TPST1: variants seen among roughly 807,000 people sequenced by gnomAD.
TPST1 encodes the protein tyrosylprotein sulfotransferase 1.
In TPST1, 20 loss-of-function variants were observed where a neutral mutation model predicts 34.8. That is an observed-to-expected ratio of 0.57 (90% confidence interval 0.40 to 0.84). The LOEUF (loss-of-function observed/expected upper bound fraction) is 0.84, where lower values mean the gene tolerates loss of function less well. Among genes scored for constraint, TPST1 ranks in the 40% least tolerant of loss-of-function variants. The probability of loss-of-function intolerance (pLI) is 0.00; values close to 1 mark genes in which losing one functional copy is unlikely to be tolerated. For synonymous variants in TPST1, 152 were observed against 159.4 expected, an observed-to-expected ratio of 0.95 and a Z score of 0.35; for missense variants, 353 against 455.5, an observed-to-expected ratio of 0.78 and a Z score of 2.05.
chr7:66,344,867 G>C (rs1253488682), intron 3 of TPST1, among the ~76,000 whole-genome samples: 2 of 151,364 alleles, frequency 1.3e-5, no homozygotes, highest in African/African-American at 4.9e-5. Flanking sequence ...GGGACTACAG[G>C]TGCCTGCCAA....
chr7:66,264,232 TG>T (rs1430535314), intron 2 of TPST1, among the ~76,000 whole-genome samples: 9 of 152,186 alleles, frequency 5.9e-5, no homozygotes, highest in South Asian at 2.1e-4. Flanking sequence ...GAAATAACAA[TG>T]GGGGCAAACA....
At chr7:66,345,519 A>C (rs1381084244) in intron 3 of TPST1, among the ~76,000 whole-genome samples, 1 of 151,134 alleles carries the variant, frequency 6.6e-6, no homozygotes, top group East Asian at 1.9e-4. Context: ...AAAAAAGATA[A>C]ATACAAGAAA....
upstream of TPST1, among the ~76,000 whole-genome samples, chr7:66,205,043 C>G (rs1186941692): frequency 6.6e-6 from 1 of 152,248 alleles, no homozygotes; most frequent in African/African-American, 2.4e-5. This position sits in a 1 kb window ranked among gnomAD's most constrained non-coding sequence, Gnocchi z 5.0. Flanking sequence ...AGGCCACGCG[C>G]GCTGTTGCTA....
At chr7:66,272,608 A>G (rs1023036048) in intron 2 of TPST1, among the ~76,000 whole-genome samples, 15 of 144,338 alleles carry the variant, frequency 1.0e-4, no homozygotes, top group Non-Finnish European at 2.0e-4. Flanking sequence ...TTTTTTTCTG[A>G]GACATGGTTT....
intron 3 of TPST1, among the ~76,000 whole-genome samples, chr7:66,320,252 T>C (rs1013578572): frequency 2.8e-5 from 4 of 143,870 alleles, no homozygotes; most frequent in African/African-American, 7.7e-5. Context: ...TTTCTTTTTT[T>C]TTTTTTTTTT....
rs1437632510 is a variant in TPST1, at chr7:66,255,025, T to A, written c.845+13755T>A. ...AGCCGGGCGTGGTGGCGGGCGCCTG[T>A]AGTCCCAGCTACTCGGGAGGCTGAG... On this transcript the variant is annotated intron_variant, in intron 2 of 5. Transcript: ENST00000304842. 4.0e-5 allele frequency among the ~76,000 whole-genome samples: 6 copies of A among 151,292 alleles called. No homozygotes were observed. In the East Asian group the frequency reaches 1.2e-3, roughly 30 times the overall value.
chr7:66,275,230 G>C (rs1037632836), intron 2 of TPST1, among the ~76,000 whole-genome samples: 2 of 152,084 alleles, frequency 1.3e-5, no homozygotes, highest in Non-Finnish European at 2.9e-5. Flanking sequence ...AAGATAACAA[G>C]TGTTGGCAAA....
intron 3 of TPST1, among the ~76,000 whole-genome samples, chr7:66,317,605 T>G (rs1791660971): frequency 6.7e-6 from 1 of 149,088 alleles, no homozygotes; most frequent in African/African-American, 2.5e-5. Flanking sequence ...TGTTTTAATG[T>G]TTTTTTTTTA....
intron 2 of TPST1, among the ~76,000 whole-genome samples, chr7:66,246,933 A>G (rs560449211): frequency 5.9e-5 from 9 of 152,332 alleles, no homozygotes; most frequent in East Asian, 1.9e-4. Context: ...AGAAAAATCA[A>G]TTGGATATTG....
At chr7:66,212,561 G>A (rs1789286750) in intron 1 of TPST1, among the ~76,000 whole-genome samples, 1 of 151,334 alleles carries the variant, frequency 6.6e-6, no homozygotes, top group South Asian at 2.1e-4. Context: ...CCGGGTTCAA[G>A]AGATTCTCCT....
intron 1 of TPST1, among the ~76,000 whole-genome samples, chr7:66,215,457 C>A (rs1429104120): frequency 1.3e-5 from 2 of 151,494 alleles, no homozygotes; most frequent in Non-Finnish European, 2.9e-5. Flanking sequence ...TCGCTGCAAG[C>A]TCTGCCTCCT....
intron 3 of TPST1, among the ~76,000 whole-genome samples, chr7:66,337,794 A>AT (rs528926034): frequency 1.6e-3 from 240 of 152,264 alleles, no homozygotes; most frequent in African/African-American, 5.6e-3. Context: ...CTATTATAAG[A>AT]TTTTTTTGTA....
intron 2 of TPST1, among the ~76,000 whole-genome samples, chr7:66,267,604 A>G (rs1206035826): frequency 6.6e-6 from 1 of 152,198 alleles, no homozygotes; most frequent in African/African-American, 2.4e-5. Context: ...ACCGAGAAAC[A>G]GGGGAGAGAA....
Position 66,248,171 on chromosome 7 carries a change from C to T in TPST1, c.845+6901C>T, listed in dbSNP as rs534097972. On this transcript the variant is annotated intron_variant, in intron 2 of 5. Coordinates refer to ENST00000304842, the MANE Select transcript of TPST1 (RefSeq NM_003596.4). ...GAAACAAGGTTTGAGAGAAATGATGCGGACCAGGCTTTGGAGGGCCTTATA... is the reference window on the plus strand; with the variant it reads ...GAAACAAGGTTTGAGAGAAATGATGTGGACCAGGCTTTGGAGGGCCTTATA... Among the ~76,000 whole-genome samples, 125 of 152,086 alleles carry T rather than the reference C, an allele frequency of 8.2e-4. 1 individual carries two copies. The South Asian group carries it at 0.013, about 15-fold the overall frequency.
At chr7:66,279,608 TTACTC>T (rs779520695) in intron 2 of TPST1, among the ~76,000 whole-genome samples, 1 of 152,162 alleles carries the variant, frequency 6.6e-6, no homozygotes, top group Non-Finnish European at 1.5e-5. Flanking sequence ...TCTGGCCAAT[TTACTC>T]TACTATTTTC....
intron 3 of TPST1, among the ~76,000 whole-genome samples, chr7:66,345,621 T>A (rs550201854): frequency 1.3e-5 from 2 of 151,770 alleles, no homozygotes; most frequent in African/African-American, 4.8e-5. Context: ...AAAACACCTA[T>A]GGAGAGTGGA....
At chr7:66,302,967 A>G (rs1791347069) in intron 3 of TPST1, among the ~76,000 whole-genome samples, 1 of 151,950 alleles carries the variant, frequency 6.6e-6, no homozygotes, top group Non-Finnish European at 1.5e-5. Flanking sequence ...TTTCATTCCC[A>G]CAGCACATTG....
intron 2 of TPST1, among the ~76,000 whole-genome samples, chr7:66,254,105 C>T (rs1300684451): frequency 6.6e-6 from 1 of 151,738 alleles, no homozygotes; most frequent in African/African-American, 2.4e-5. Flanking sequence ...TTTTTAAACC[C>T]TTTGGTCCTC....
chr7:66,244,189 G>A (rs993174177), intron 2 of TPST1, among the ~76,000 whole-genome samples: 17 of 151,948 alleles, frequency 1.1e-4, no homozygotes, highest in Non-Finnish European at 1.8e-4. Flanking sequence ...TCCTGACCTC[G>A]TGATCTGCCT....
Sources: allele counts gnomAD v4.1 joint callset (sites outside exome capture counted in the v4.1 genomes callset), GRCh38; gene constraint gnomAD v4.1.1; non-coding constraint Gnocchi (gnomAD v3.1); transcripts MANE v1.5; gene names NCBI Gene and HGNC (gene_info 2026-07-23, HGNC 2026-07-21).